Variants in UNC13C observed in about 807,000 individuals in gnomAD.
UNC13C encodes the protein unc-13 homolog C, also known as protein unc-13 homolog C.
A neutral mutation model predicts 245.4 loss-of-function variants in UNC13C; 174 were observed. The ratio of observed to expected loss-of-function variants is 0.71; its 90% confidence interval spans 0.63 to 0.80. The LOEUF is 0.80. Among genes scored for constraint, UNC13C ranks in the 30% least tolerant of loss-of-function variants. The pLI is 0.00. For missense variants in UNC13C, 2,829 were observed against 2,602.9 expected (o/e 1.09, Z -1.89); for synonymous variants, 992 against 895.1 (o/e 1.11, Z -1.93).
At chr15:54,375,920 T>C (rs1180192248) in intron 17 of UNC13C, among the ~76,000 whole-genome samples, 2 of 152,210 alleles carry the variant, frequency 1.3e-5, no homozygotes, top group African/African-American at 4.8e-5. Context: ...TTGTAGCAAT[T>C]TGTTACACAG....
chr15:54,583,539 C>T (rs549350799), intron 30 of UNC13C, among the ~76,000 whole-genome samples: 19 of 152,136 alleles, frequency 1.2e-4, no homozygotes, highest in Non-Finnish European at 2.4e-4. Flanking sequence ...AAATTTGATT[C>T]CTGCTTATTA....
At chr15:53,996,640 C>T (rs1894646240) in intron 1 of UNC13C, among the ~76,000 whole-genome samples, 1 of 152,150 alleles carries the variant, frequency 6.6e-6, no homozygotes, top group African/African-American at 2.4e-5. Context: ...CTCCACTCTT[C>T]ATAGCCAACC....
chr15:54,297,870 A>G lies in UNC13C; in HGVS notation c.4048A>G (p.Ile1350Val). The G allele has an allele frequency of 6.2e-7, 1 of 1,611,236 alleles. No homozygotes were observed. Among genetic ancestry groups the G allele is most frequent in the Non-Finnish European group, 8.5e-7 (1 of 1,178,670 alleles). The part of the protein sequence containing the change: ...GAIRLKINVE[I>V]KGEEKVAPYH... ...CATACGATTGAAAATCAATGTGGAG[A>G]TAAAAGGAGAAGAGAAGGTTGCTCC... The change falls in exon 12 of 33, where the codon ATA (isoleucine) becomes GTA (valine). Residue 1350 changes from isoleucine to valine, a missense_variant. Ile to Val is a conservative substitution (Grantham distance 29, BLOSUM62 3). Coordinates refer to ENST00000260323, the MANE Select transcript of UNC13C (RefSeq NM_001080534.3).
chr15:54,503,238 G>C (rs995004738), intron 22 of UNC13C, among the ~76,000 whole-genome samples: 2 of 152,206 alleles, frequency 1.3e-5, no homozygotes, highest in South Asian at 4.1e-4. Flanking sequence ...TTCTGGAAAA[G>C]AAGAAATTAG....
intron 16 of UNC13C, among the ~76,000 whole-genome samples, chr15:54,337,828 A>G (rs1010751273): frequency 6.6e-6 from 1 of 152,150 alleles, no homozygotes; most frequent in Non-Finnish European, 1.5e-5. Flanking sequence ...AGATTTTTAT[A>G]GTGGTCTATA....
chr15:54,310,506 C>T (rs539916826), intron 13 of UNC13C, among the ~76,000 whole-genome samples: 9 of 151,786 alleles, frequency 5.9e-5, no homozygotes, highest in African/African-American at 1.4e-4. Context: ...TGAATGCAGC[C>T]GGACACAGCC....
At chr15:54,615,366 A>C (rs1305381795) in intron 30 of UNC13C, among the ~76,000 whole-genome samples, 1 of 152,026 alleles carries the variant, frequency 6.6e-6, no homozygotes, top group Non-Finnish European at 1.5e-5. Flanking sequence ...GTGGGGATGC[A>C]TAGTCCCATG....
intron 30 of UNC13C, among the ~76,000 whole-genome samples, chr15:54,597,000 G>C (rs1015943460): frequency 1.3e-5 from 2 of 152,146 alleles, no homozygotes; most frequent in African/African-American, 4.8e-5. Context: ...ACACAACTGG[G>C]AAGTCCCATC....
chr15:54,453,942 A>C (rs964568756), intron 19 of UNC13C, among the ~76,000 whole-genome samples: 7 of 152,110 alleles, frequency 4.6e-5, no homozygotes, highest in Non-Finnish European at 8.8e-5. Flanking sequence ...CCCCTCCCTC[A>C]GCATCTGATA....
the UNC13C span, among the ~76,000 whole-genome samples, chr15:53,889,835 G>C: frequency 6.6e-6 from 1 of 152,144 alleles, no homozygotes; most frequent in South Asian, 2.1e-4. Context: ...CATTGGTTCT[G>C]TTTATATGAT....
At chr15:54,231,872 T>C (rs1330524088) in intron 4 of UNC13C, among the ~76,000 whole-genome samples, 1 of 152,136 alleles carries the variant, frequency 6.6e-6, no homozygotes, top group African/African-American at 2.4e-5. Context: ...ATTTTAACTG[T>C]GGTGCATGAA....
At chr15:53,864,911 T>C in the UNC13C span, among the ~76,000 whole-genome samples, 113 of 152,262 alleles carry the variant, frequency 7.4e-4, no homozygotes, top group Middle Eastern at 3.4e-3. Context: ...TCTGAGTCTA[T>C]ATAATGAATG....
chr15:54,622,276 A>G (rs546764609), intron 30 of UNC13C, 51 bp from the exon 31 acceptor site: 2 of 1,230,390 alleles, frequency 1.6e-6, no homozygotes, highest in Non-Finnish European at 2.4e-6. Context: ...GAAATTGTCC[A>G]TTATTAATGA....
intron 10 of UNC13C, among the ~76,000 whole-genome samples, chr15:54,267,671 T>G (rs1383349701): frequency 1.3e-5 from 2 of 152,004 alleles, no homozygotes; most frequent in Non-Finnish European, 2.9e-5. Flanking sequence ...ATATCTCCCC[T>G]ACTCCTCCAA....
chr15:54,487,854 TC>T (rs1468463341), intron 19 of UNC13C, among the ~76,000 whole-genome samples: 1 of 152,068 alleles, frequency 6.6e-6, no homozygotes, highest in African/African-American at 2.4e-5. Flanking sequence ...TTTCCTTTTT[TC>T]CTATTTTCCT....
intron 30 of UNC13C, among the ~76,000 whole-genome samples, chr15:54,576,729 C>T (rs1217131859): frequency 6.6e-6 from 1 of 152,142 alleles, no homozygotes. Context: ...CTCTTGTCCC[C>T]CACCAGCACA....
At chr15:54,537,190 A>G (rs1319951214) in intron 26 of UNC13C, among the ~76,000 whole-genome samples, 1 of 152,084 alleles carries the variant, frequency 6.6e-6, no homozygotes. Context: ...ACAGCATCCA[A>G]ACTGAGAGCC....
chr15:54,005,605 G>GAAGAATACAGATTCTTCTAT (rs1895100346), intron 1 of UNC13C, among the ~76,000 whole-genome samples: 1 of 152,166 alleles, frequency 6.6e-6, no homozygotes, highest in African/African-American at 2.4e-5. Flanking sequence ...AAACAGCTTA[G>GAAGAATACAGATTCTTCTAT]AAGAATAATT....
intron 25 of UNC13C, among the ~76,000 whole-genome samples, chr15:54,527,731 T>A (rs926957528): frequency 2.6e-5 from 4 of 152,238 alleles, no homozygotes; most frequent in Admixed American, 2.0e-4. Context: ...AGAATCCATT[T>A]ATTATTGATT....
Sources: gnomAD v4.1 joint callset for allele counts (sites outside exome capture counted in the v4.1 genomes callset) on GRCh38, gnomAD v4.1.1 for gene constraint, MANE v1.5 for transcripts, NCBI Gene and HGNC (gene_info 2026-07-23, HGNC 2026-07-21) for gene names.